Variants in NRG1 observed in about 807,000 individuals in gnomAD.
NRG1 encodes the protein neuregulin 1.
NRG1 carries 18 observed loss-of-function variants against 63.8 expected under a neutral mutation model. The ratio of observed to expected loss-of-function variants is 0.28; its 90% CI spans 0.19 to 0.42. NRG1 has a LOEUF of 0.42. NRG1 is among the 10% of genes least tolerant of loss of function. The pLI is 1.00. For missense variants in NRG1, 762 were observed against 814.7 expected (o/e 0.94, Z 0.79); for synonymous variants, 302 against 301.3 (o/e 1.00, Z -0.02).
chr8:31,640,855 A>T lies in NRG1; in HGVS notation c.37+1424A>T. 2 of 1,398,016 alleles carry T rather than the reference A, an allele frequency of 1.4e-6. No individual in the cohort carries two copies. Among genetic ancestry groups the T allele is most frequent in the Non-Finnish European group, 1.9e-6 (2 of 1,079,650 alleles). 86.6% of individuals were successfully genotyped at this position (1,398,016 alleles called of 1,614,324 possible). ...GCTCTGGGTCCCAGTTGTTGGTTTC[A>T]GGGTGGTGGGTTCTCAGCGATCCTC... On this transcript the variant is annotated intron_variant, in intron 1 of 10. Coordinates refer to the NRG1 transcript ENST00000519301. The surrounding 1 kb of genome is among the most constrained non-coding windows in gnomAD (Gnocchi z 6.3).
chr8:32,512,839 A>G (rs1057513538), intron 1 of NRG1, among the ~76,000 whole-genome samples: 1 of 152,214 alleles, frequency 6.6e-6, no homozygotes, highest in Non-Finnish European at 1.5e-5. Context: ...TGTTTATAAT[A>G]AGGATACATC....
At chr8:32,422,073 C>T (rs959960945) in intron 1 of NRG1, among the ~76,000 whole-genome samples, 26 of 151,984 alleles carry the variant, frequency 1.7e-4, no homozygotes, top group African/African-American at 6.3e-4. Flanking sequence ...CACTAAAACC[C>T]CAGACCTCAT....
At chr8:32,291,158 G>A (rs796430892) in intron 1 of NRG1, among the ~76,000 whole-genome samples, 5 of 152,168 alleles carry the variant, frequency 3.3e-5, no homozygotes, top group East Asian at 1.9e-4. Context: ...TGTTCTCTTC[G>A]TGTCTTCAAC....
At chr8:31,908,206 G>C (rs1832680413) in intron 1 of NRG1, among the ~76,000 whole-genome samples, 2 of 152,182 alleles carry the variant, frequency 1.3e-5, no homozygotes. Flanking sequence ...TAGGCAGAGA[G>C]AAAAAAGATT....
At chr8:32,702,030 T>C (rs1016255453) in intron 5 of NRG1, among the ~76,000 whole-genome samples, 3 of 152,234 alleles carry the variant, frequency 2.0e-5, no homozygotes, top group African/African-American at 7.2e-5. Flanking sequence ...TGACTCTTTT[T>C]GTAAAAGTAA....
chr8:31,803,176 A>T (rs1430956136), intron 1 of NRG1, among the ~76,000 whole-genome samples: 1 of 152,248 alleles, frequency 6.6e-6, no homozygotes, highest in Non-Finnish European at 1.5e-5. Flanking sequence ...AGCAGGGAGT[A>T]TAATAGGGAA....
intron 1 of NRG1, among the ~76,000 whole-genome samples, chr8:31,651,270 G>A (rs1035530957): frequency 2.6e-5 from 4 of 152,120 alleles, no homozygotes; most frequent in Non-Finnish European, 5.9e-5. Context: ...TTTTCAAAAA[G>A]CAAATATGAT....
chr8:32,742,756 T>G lies in NRG1; in HGVS notation c.691+23T>G, dbSNP rs1197617211. 1 of 1,613,644 alleles carries G rather than the reference T, an allele frequency of 6.2e-7. No homozygotes were observed. The highest frequency in any genetic ancestry group is 1.7e-5 in the Admixed American group (1 of 59,984). On this transcript the variant is annotated intron_variant, in intron 7 of 11. Transcript: ENST00000356819. The surrounding 1 kb of genome is among the most constrained non-coding windows in gnomAD (Gnocchi z 4.2). Reference sequence around the variant, plus strand: ...ACAGTACGTCCACTCCCTTTCTGTCTCTGCCTGAATAGGAGCATGCTCAGT... The same window carrying G: ...ACAGTACGTCCACTCCCTTTCTGTCGCTGCCTGAATAGGAGCATGCTCAGT...
In NRG1 at chr8:31,721,600, G is replaced by GAAAT. The variant is rs556276327; in HGVS notation, c.37+82172_37+82173insTAAA. ...TCACATCTTTCTTCGCAGGAAAAAAGAAACTAAGGCTATATCATGGCTTTC... is the reference window on the plus strand; with the variant it reads ...TCACATCTTTCTTCGCAGGAAAAAAGAAATAAACTAAGGCTATATCATGGCTTTC... On this transcript the variant is annotated intron_variant, in intron 1 of 10. Transcript: ENST00000519301. Among the ~76,000 whole-genome samples the GAAAT allele has an allele frequency of 3.9e-3, 587 of 152,202 alleles. 1 individual carries two copies. The highest frequency in any genetic ancestry group is 0.019 in the South Asian group (92 of 4,826).
intron 1 of NRG1, among the ~76,000 whole-genome samples, chr8:32,493,224 TA>T (rs1826807719): frequency 6.6e-6 from 1 of 152,126 alleles, no homozygotes; most frequent in South Asian, 2.1e-4. Flanking sequence ...GACAGCAGAC[TA>T]GTGACTCGCA....
chr8:32,030,901 CATAA>C (rs1273562313), intron 1 of NRG1, among the ~76,000 whole-genome samples: 1 of 152,164 alleles, frequency 6.6e-6, no homozygotes, highest in Admixed American at 6.5e-5. Flanking sequence ...GCCCCCAAGA[CATAA>C]ATAAACAGCC....
At chr8:32,372,601 A>C (rs533908529) in intron 1 of NRG1, among the ~76,000 whole-genome samples, 1 of 152,154 alleles carries the variant, frequency 6.6e-6, no homozygotes, top group Non-Finnish European at 1.5e-5. Flanking sequence ...GGGATGATGA[A>C]GGCAATGGAC....
intron 3 of NRG1, 90 bp from the exon 4 acceptor site, chr8:32,614,424 C>A: frequency 7.9e-7 from 1 of 1,268,128 alleles, no homozygotes; most frequent in Non-Finnish European, 1.1e-6. Flanking sequence ...CCTTCCTTTA[C>A]ACTTAACTTT....
chr8:32,248,319 A>G (rs1475489598), intron 1 of NRG1, among the ~76,000 whole-genome samples: 1 of 152,068 alleles, frequency 6.6e-6, no homozygotes, highest in East Asian at 1.9e-4. Context: ...TTTGTAACAC[A>G]CTAGTGGAAC....
At chr8:31,776,606 G>A (rs1819167392) in intron 1 of NRG1, among the ~76,000 whole-genome samples, 1 of 152,020 alleles carries the variant, frequency 6.6e-6, no homozygotes, top group Non-Finnish European at 1.5e-5. Flanking sequence ...TGTTACATAT[G>A]TATACATGTG....
intron 1 of NRG1, among the ~76,000 whole-genome samples, chr8:31,987,327 T>G: frequency 6.9e-6 from 1 of 145,144 alleles, no homozygotes; most frequent in Admixed American, 6.9e-5. Flanking sequence ...TATATGTGTG[T>G]GTGTGTGTGT....
At chr8:31,804,365 A>G (rs1417720725) in intron 1 of NRG1, among the ~76,000 whole-genome samples, 3 of 151,924 alleles carry the variant, frequency 2.0e-5, no homozygotes, top group African/African-American at 4.8e-5. Flanking sequence ...TGAAGTTGTT[A>G]CTCTCAGTCA....
chr8:31,958,346 G>T lies in NRG1; in HGVS notation c.37+318915G>T, dbSNP rs184882389. 3.3e-3 allele frequency among the ~76,000 whole-genome samples: 503 copies of T among 152,202 alleles called. 2 individuals are homozygous for T. Among genetic ancestry groups the T allele is most frequent in the South Asian group, 0.022 (104 of 4,816 alleles). The stretch of plus-strand genomic sequence containing the variant: ...CAATAATCAATTTGGGTACCATTTT[G>T]TTACCTCCTGGCCTTCTGCAACTTA... On this transcript the variant is annotated intron_variant, in intron 1 of 10. Coordinates refer to the NRG1 transcript ENST00000519301.
intron 1 of NRG1, among the ~76,000 whole-genome samples, chr8:32,446,937 A>G (rs1186017680): frequency 1.3e-5 from 2 of 152,150 alleles, no homozygotes; most frequent in Admixed American, 1.3e-4. Context: ...ATGGGGAAAA[A>G]TATGGTAAGT....
Sources: gnomAD v4.1 joint callset for allele counts (sites outside exome capture counted in the v4.1 genomes callset) on GRCh38, gnomAD v4.1.1 for gene constraint, Gnocchi (gnomAD v3.1) non-coding constraint, MANE v1.5 for transcripts, NCBI Gene and HGNC (gene_info 2026-07-23, HGNC 2026-07-21) for gene names.